The following LCLAT1 variants were observed in gnomAD, a reference collection of about 807,000 sequenced individuals.
LCLAT1 encodes lysocardiolipin acyltransferase 1.
A neutral mutation model predicts 30.7 loss-of-function variants in LCLAT1; 11 were observed. The observed-to-expected ratio is 0.36, with a 90% CI of 0.23 to 0.59. LCLAT1 has a LOEUF of 0.59. LCLAT1 is among the 20% of genes least tolerant of loss of function. The pLI is 0.77. For synonymous variants in LCLAT1, 155 were observed against 151.3 expected, an observed-to-expected ratio of 1.02 and a Z score of -0.18; for missense variants, 402 against 458.6, an observed-to-expected ratio of 0.88 and a Z score of 1.13.
At chr2:30,495,742 G>C (rs1262714866) in intron 1 of LCLAT1, among the ~76,000 whole-genome samples, 1 of 152,146 alleles carries the variant, frequency 6.6e-6, no homozygotes, top group African/African-American at 2.4e-5. Context: ...GTTGTTAGTA[G>C]AGTGTGAGTC....
At chr2:30,563,749 T>C (rs917096005) in intron 4 of LCLAT1, among the ~76,000 whole-genome samples, 4 of 152,228 alleles carry the variant, frequency 2.6e-5, no homozygotes, top group African/African-American at 4.8e-5. Flanking sequence ...TTTATGGAAC[T>C]CATTATTACA....
At chr2:30,561,873 C>A (rs749097869) in intron 3 of LCLAT1, among the ~76,000 whole-genome samples, 1 of 152,088 alleles carries the variant, frequency 6.6e-6, no homozygotes, top group Non-Finnish European at 1.5e-5. Flanking sequence ...AGGAAAAATT[C>A]TTTCCTTAAT....
chr2:30,478,683 ATAGATAGGTAGGTAGG>A (rs1683164905), intron 1 of LCLAT1, among the ~76,000 whole-genome samples: 1 of 94,692 alleles, frequency 1.1e-5, no homozygotes. Flanking sequence ...AAATAAATAG[ATAGATAGGTAGGTAGG>A]TAGGTAGGTA....
intron 1 of LCLAT1, among the ~76,000 whole-genome samples, chr2:30,497,354 C>A (rs1558476913): frequency 6.6e-6 from 1 of 152,052 alleles, no homozygotes; most frequent in Non-Finnish European, 1.5e-5. Context: ...TATTTCTTAG[C>A]CTTTACACTG....
chr2:30,604,837 G>T (rs145394878), intron 5 of LCLAT1, among the ~76,000 whole-genome samples: 43 of 152,302 alleles, frequency 2.8e-4, no homozygotes, highest in Middle Eastern at 3.4e-3. Context: ...AAACTAAGGA[G>T]TGGGAGTCCC....
At chr2:30,580,850 A>T (rs1666184253) in intron 5 of LCLAT1, among the ~76,000 whole-genome samples, 2 of 152,156 alleles carry the variant, frequency 1.3e-5, no homozygotes, top group African/African-American at 4.8e-5. Context: ...TTAGTATTCT[A>T]AGAGAGTTTA....
intron 5 of LCLAT1, among the ~76,000 whole-genome samples, chr2:30,580,376 T>A (rs1666161972): frequency 6.6e-6 from 1 of 152,196 alleles, no homozygotes; most frequent in Non-Finnish European, 1.5e-5. Context: ...TAGGTACTAG[T>A]AACATCTTTG....
chr2:30,631,973 T>C (rs980374082), intron 5 of LCLAT1, among the ~76,000 whole-genome samples: 2 of 152,224 alleles, frequency 1.3e-5, no homozygotes, highest in Non-Finnish European at 2.9e-5. Flanking sequence ...GACATATTTT[T>C]ATTCTATCTG....
At chr2:30,538,793 A>G (rs1054165953) in intron 3 of LCLAT1, among the ~76,000 whole-genome samples, 5 of 152,164 alleles carry the variant, frequency 3.3e-5, no homozygotes, top group Admixed American at 6.5e-5. Flanking sequence ...AGAAATTGAT[A>G]AATTCCTGAA....
At chr2:30,501,019 G>GT (rs1026491028) in intron 1 of LCLAT1, among the ~76,000 whole-genome samples, 1 of 151,708 alleles carries the variant, frequency 6.6e-6, no homozygotes, top group Non-Finnish European at 1.5e-5. Flanking sequence ...CCTGCTGCCT[G>GT]TTGACCAACT....
At chr2:30,522,558 A>G (rs566315371) in intron 1 of LCLAT1, among the ~76,000 whole-genome samples, 5 of 152,202 alleles carry the variant, frequency 3.3e-5, no homozygotes, top group Non-Finnish European at 5.9e-5. Flanking sequence ...GAGCTTTGCA[A>G]TTTCTGTCAT....
intron 5 of LCLAT1, among the ~76,000 whole-genome samples, chr2:30,598,918 T>G (rs1364752731): frequency 6.6e-6 from 1 of 152,140 alleles, no homozygotes; most frequent in Non-Finnish European, 1.5e-5. Flanking sequence ...TAGGAGTCAT[T>G]CAGGAGCAAG....
intron 3 of LCLAT1, among the ~76,000 whole-genome samples, chr2:30,554,850 G>T (rs536272340): frequency 1.3e-5 from 2 of 152,164 alleles, no homozygotes; most frequent in East Asian, 1.9e-4. Context: ...AATGGCAAAA[G>T]AAATGAAAAG....
chr2:30,624,615 T>C (rs566452065), intron 5 of LCLAT1, among the ~76,000 whole-genome samples: 2 of 152,252 alleles, frequency 1.3e-5, no homozygotes, highest in African/African-American at 4.8e-5. Context: ...CCCAAATTTG[T>C]AGAACAATTA....
intron 5 of LCLAT1, among the ~76,000 whole-genome samples, chr2:30,580,935 C>A (rs1354810413): frequency 1.3e-5 from 2 of 151,964 alleles, no homozygotes; most frequent in African/African-American, 4.8e-5. Flanking sequence ...TCATAGTTAC[C>A]CCAAAATAGT....
intron 1 of LCLAT1, among the ~76,000 whole-genome samples, chr2:30,480,539 T>A (rs1683268614): frequency 6.6e-6 from 1 of 152,172 alleles, no homozygotes; most frequent in African/African-American, 2.4e-5. Flanking sequence ...AATGACAGTA[T>A]CAATTTATCT....
At chr2:30,505,981 C>T (rs1364958441) in intron 1 of LCLAT1, among the ~76,000 whole-genome samples, 1 of 152,096 alleles carries the variant, frequency 6.6e-6, no homozygotes, top group East Asian at 1.9e-4. Context: ...AGACTTCCCC[C>T]AGGGAATTAC....
At position 30,574,405 on chromosome 2, in the gene LCLAT1, C is replaced by T. The variant is rs531842408; in HGVS notation, c.628+6229C>T. 6.5e-4 allele frequency among the ~76,000 whole-genome samples: 99 copies of T among 152,208 alleles called. 1 individual carries two copies. In the South Asian group the frequency reaches 0.011, roughly 18 times the overall value. Reference sequence around the variant, plus strand: ...GATTAGAAGAAGCATTTTTGAAAGACTTGAAATATCTCCCATGGCTCTTCA... The same window carrying T: ...GATTAGAAGAAGCATTTTTGAAAGATTTGAAATATCTCCCATGGCTCTTCA... On this transcript the variant is annotated intron_variant, in intron 5 of 5. Transcript: ENST00000379509.
chr2:30,462,547 A>G (rs1396745557), intron 1 of LCLAT1, among the ~76,000 whole-genome samples: 5 of 152,192 alleles, frequency 3.3e-5, no homozygotes, highest in African/African-American at 9.6e-5. Context: ...GCTGATGACA[A>G]TGAATACTTA....
Sources: allele counts gnomAD v4.1 joint callset (sites outside exome capture counted in the v4.1 genomes callset), GRCh38; gene constraint gnomAD v4.1.1; transcripts MANE v1.5; gene names NCBI Gene and HGNC (gene_info 2026-07-23, HGNC 2026-07-21).